DPYSL5: variants seen among roughly 807,000 people sequenced by gnomAD.
DPYSL5 encodes the protein dihydropyrimidinase-related protein 5.
In DPYSL5, 9 loss-of-function variants were observed where a neutral mutation model predicts 58.4. The ratio of observed to expected loss-of-function variants is 0.15; its 90% CI spans 0.09 to 0.27. The LOEUF (loss-of-function observed/expected upper bound fraction) is 0.27. Ranked by LOEUF, DPYSL5 falls within the 10% of genes least tolerant of loss-of-function variation. The probability of loss-of-function intolerance (pLI) is 1.00; values close to 1 mark genes in which losing one functional copy is unlikely to be tolerated. For synonymous variants in DPYSL5, 293 were observed against 301.9 expected (o/e 0.97, Z 0.31); for missense variants, 499 against 770.6 (o/e 0.65, Z 4.17).
rs55795892 is a variant in DPYSL5, at chr2:26,936,945, T to TAAAAAAAAAAAAAAAAAA, written c.947+2227_947+2228insAAAAAAAAAAAAAAAAAA. Among the ~76,000 whole-genome samples the TAAAAAAAAAAAAAAAAAA allele has an allele frequency of 3.3e-4, 26 of 77,872 alleles. 1 individual carries two copies. The highest frequency in any genetic ancestry group is 6.5e-4 in the African/African-American group (13 of 20,096). The allele number at this position is 77,872 out of a possible 152,430, so 51.1% of individuals were successfully genotyped here. On this transcript the variant is annotated intron_variant, in intron 8 of 12. Transcript: ENST00000288699. ...TGGGCAACAAGAGCAAGACTTCATT[T>TAAAAAAAAAAAAAAAAAA]AAAAAAAAAAAAAAAAGCTTGTTTT...
Position 26,902,584 on chromosome 2 carries a change from G to A in DPYSL5, c.261+3824G>A, listed in dbSNP as rs140042762. On this transcript the variant is annotated intron_variant, in intron 2 of 12. Coordinates refer to ENST00000288699, the MANE Select transcript of DPYSL5 (RefSeq NM_020134.4). ...ATTTTAAGGACCGCTGTCTAGGCCA[G>A]TGATTTTCACCCTTTGGAAGCAAAT... Among the ~76,000 whole-genome samples, 142 of 152,280 alleles carry A rather than the reference G, an allele frequency of 9.3e-4. 1 individual carries two copies. The highest frequency in any genetic ancestry group is 4.1e-3 in the South Asian group (20 of 4,826).
intron 6 of DPYSL5, 116 bp downstream of exon 6, chr2:26,931,800 G>C: frequency 4.5e-6 from 5 of 1,111,350 alleles, no homozygotes; most frequent in South Asian, 1.3e-5. Flanking sequence ...CTGAGGTTAA[G>C]AGTTTGAGAC....
chr2:26,927,855 T>C lies in DPYSL5; in HGVS notation c.601-400T>C, dbSNP rs1175295274. On this transcript the variant is annotated intron_variant, in intron 4 of 12. Transcript: ENST00000288699. This position sits in a 1 kb window ranked among gnomAD's most constrained non-coding sequence, Gnocchi z 4.3. ...CATGGCACCAGGAAGGATAAGCCTCTGGTGCATTCTCCTAGGTCTTGGGGT... is the reference window on the plus strand; with the variant it reads ...CATGGCACCAGGAAGGATAAGCCTCCGGTGCATTCTCCTAGGTCTTGGGGT... 6.6e-6 allele frequency among the ~76,000 whole-genome samples: 1 copy of C among 152,200 alleles called. No individual in the cohort carries two copies. Among genetic ancestry groups the C allele is most frequent in the African/African-American group, 2.4e-5 (1 of 41,452 alleles).
In DPYSL5 at chr2:26,947,359, CT is replaced by C. The variant is rs1665516401; in HGVS notation, c.*365del. On this transcript the variant is annotated 3_prime_UTR_variant, in exon 13 of 13. Transcript: ENST00000288699. This position sits in a 1 kb window ranked among gnomAD's most constrained non-coding sequence, Gnocchi z 4.2. ...AGCCCAGACTTTAGTGCCCTGCCCC[CT>C]GGCTGACTGGCCAGTTGCCCAGAGC... 1 of 184,742 alleles carries C rather than the reference CT, an allele frequency of 5.4e-6. No individual in the cohort carries two copies. The highest frequency in any genetic ancestry group is 1.1e-5 in the Non-Finnish European group (1 of 87,838). The allele number at this position is 184,742 out of a possible 1,614,324, so 11.4% of individuals were successfully genotyped here.
rs1247786231 is a variant in DPYSL5 at position 26,942,765 on chromosome 2, G to A, written c.1440+15G>A. 6.2e-7 allele frequency: 1 copy of A among 1,611,606 alleles called. No homozygotes were observed. The highest frequency in any genetic ancestry group is 2.2e-5 in the East Asian group (1 of 44,792). On this transcript the variant is annotated intron_variant, in intron 11 of 12. Coordinates refer to ENST00000288699, the MANE Select transcript of DPYSL5 (RefSeq NM_020134.4). The surrounding 1 kb of genome is among the most constrained non-coding windows in gnomAD (Gnocchi z 5.9). ...AGAGAGAGAAGGTGAGGTGGGAGGA[G>A]GAAGATGCAGGGGTGTTGGCGCCCC...
At chr2:26,901,750 C>G (rs1476179086) in intron 2 of DPYSL5, among the ~76,000 whole-genome samples, 6 of 152,094 alleles carry the variant, frequency 3.9e-5, no homozygotes, top group Admixed American at 2.0e-4. Flanking sequence ...GGCCCTGAAC[C>G]CTGCACACAA....
At chr2:26,869,404 T>G (rs1472825499) in intron 1 of DPYSL5, among the ~76,000 whole-genome samples, 1 of 152,206 alleles carries the variant, frequency 6.6e-6, no homozygotes, top group Non-Finnish European at 1.5e-5. Context: ...TATAGTCTAA[T>G]TTTAGAAAAT....
intron 1 of DPYSL5, among the ~76,000 whole-genome samples, chr2:26,853,206 T>C (rs1665798247): frequency 6.6e-6 from 1 of 152,150 alleles, no homozygotes; most frequent in Non-Finnish European, 1.5e-5. Context: ...CATCATTCCT[T>C]TGAGTGGGGT....
At chr2:26,876,150 G>A (rs1663403177) in intron 1 of DPYSL5, among the ~76,000 whole-genome samples, 1 of 152,178 alleles carries the variant, frequency 6.6e-6, no homozygotes, top group African/African-American at 2.4e-5. Flanking sequence ...TCAAAGGAAG[G>A]TAGCAGCCAA....
chr2:26,867,474 G>A (rs955176241), intron 1 of DPYSL5, among the ~76,000 whole-genome samples: 1 of 51,478 alleles, frequency 1.9e-5, no homozygotes, highest in South Asian at 6.6e-4. Context: ...TTTTTTTTTT[G>A]AGACGGAGTC....
At chr2:26,851,470 A>C (rs2148100541) in intron 1 of DPYSL5, among the ~76,000 whole-genome samples, 1 of 152,314 alleles carries the variant, frequency 6.6e-6, no homozygotes, top group African/African-American at 2.4e-5. Flanking sequence ...GGCCAAAATC[A>C]GGTCTCAGGA....
intron 9 of DPYSL5, 31 bp downstream of exon 9, chr2:26,940,203 A>T (rs1425008704): frequency 1.9e-6 from 3 of 1,609,956 alleles, no homozygotes; most frequent in Non-Finnish European, 2.5e-6. Flanking sequence ...CCCCGATCTG[A>T]TCCCTGCTCT....
rs563102001 is a variant in DPYSL5 at position 26,942,827 on chromosome 2, CAA to C, written c.1440+79_1440+80del. 36 of 1,516,372 alleles carry C rather than the reference CAA, an allele frequency of 2.4e-5. No individual in the cohort carries two copies. In the African/African-American group the frequency reaches 3.4e-4, roughly 14 times the overall value. 93.9% of individuals were successfully genotyped at this position (1,516,372 alleles called of 1,614,324 possible). The stretch of plus-strand genomic sequence containing the variant: ...CATCCTCCATGACTGTTTTAAATCT[CAA>C]AGAGATGTTCACTCCAGTTTTCGAC... On this transcript the variant is annotated intron_variant, in intron 11 of 12. Coordinates refer to ENST00000288699, the MANE Select transcript of DPYSL5 (RefSeq NM_020134.4). This position sits in a 1 kb window ranked among gnomAD's most constrained non-coding sequence, Gnocchi z 5.9.
intron 11 of DPYSL5, among the ~76,000 whole-genome samples, chr2:26,943,047 C>T (rs1665366813): frequency 1.3e-5 from 2 of 152,204 alleles, no homozygotes; most frequent in African/African-American, 2.4e-5. Flanking sequence ...CCGCTGAGCT[C>T]CTCTGGATAC....
chr2:26,895,430 C>T (rs996790505), intron 1 of DPYSL5, among the ~76,000 whole-genome samples: 1 of 152,060 alleles, frequency 6.6e-6, no homozygotes, highest in African/African-American at 2.4e-5. Flanking sequence ...GCATACAAGT[C>T]CTATGTGTGT....
At chr2:26,943,498 A>G (rs761154270) in intron 11 of DPYSL5, among the ~76,000 whole-genome samples, 5 of 152,170 alleles carry the variant, frequency 3.3e-5, no homozygotes, top group African/African-American at 1.2e-4. Context: ...CCTGGGCTCA[A>G]GTGATCCGTC....
At chr2:26,865,312 CTTTTTTTTTTTTT>C (rs1192892146) in intron 1 of DPYSL5, among the ~76,000 whole-genome samples, 1 of 89,588 alleles carries the variant, frequency 1.1e-5, no homozygotes, top group African/African-American at 4.3e-5. Context: ...GTTTTGTGTT[CTTTTTTTTTTTTT>C]TTTTTTTTTT....
At chr2:26,861,274 C>G (rs925209996) in intron 1 of DPYSL5, among the ~76,000 whole-genome samples, 1 of 152,128 alleles carries the variant, frequency 6.6e-6, no homozygotes, top group South Asian at 2.1e-4. Flanking sequence ...CCAATATTTC[C>G]CCTTTGAGTC....
chr2:26,905,914 G>A lies in DPYSL5; in HGVS notation c.261+7154G>A, dbSNP rs1664276070. 6.6e-6 allele frequency among the ~76,000 whole-genome samples: 1 copy of A among 152,188 alleles called. No homozygotes were observed. Among genetic ancestry groups the A allele is most frequent in the African/African-American group, 2.4e-5 (1 of 41,450 alleles). Reference sequence around the variant, plus strand: ...TCAGAGCCTCGCAAGCCGCCATCCAGGTGTCAATGGGCTGCATTCTCATCT... The same window carrying A: ...TCAGAGCCTCGCAAGCCGCCATCCAAGTGTCAATGGGCTGCATTCTCATCT... On this transcript the variant is annotated intron_variant, in intron 2 of 12. Coordinates refer to ENST00000288699, the MANE Select transcript of DPYSL5 (RefSeq NM_020134.4). This position sits in a 1 kb window ranked among gnomAD's most constrained non-coding sequence, Gnocchi z 4.0.
Sources: gnomAD v4.1 joint callset for allele counts (sites outside exome capture counted in the v4.1 genomes callset) on GRCh38, gnomAD v4.1.1 for gene constraint, Gnocchi (gnomAD v3.1) non-coding constraint, MANE v1.5 for transcripts, NCBI Gene and HGNC (gene_info 2026-07-23, HGNC 2026-07-21) for gene names.